Variants in CEP112 observed in about 807,000 individuals in gnomAD.
CEP112 encodes centrosomal protein 112.
Under a neutral mutation model 153.0 loss-of-function variants are expected in CEP112, and 127 were observed. The observed-to-expected ratio is 0.83, with a 90% CI of 0.72 to 0.96. The LOEUF (loss-of-function observed/expected upper bound fraction) is 0.96, where lower values mean the gene tolerates loss of function less well. CEP112 is among the 40% of genes least tolerant of loss of function. The pLI, the probability that CEP112 is intolerant of heterozygous loss-of-function variation, is 0.00. For missense variants in CEP112, 1,089 were observed against 1,101.2 expected, an observed-to-expected ratio of 0.99 and a Z score of 0.16; for synonymous variants, 358 against 374.4, an observed-to-expected ratio of 0.96 and a Z score of 0.51.
At chr17:65,856,140 A>G (rs1326395710) in intron 20 of CEP112, among the ~76,000 whole-genome samples, 1 of 152,218 alleles carries the variant, frequency 6.6e-6, no homozygotes, top group Non-Finnish European at 1.5e-5. Flanking sequence ...AGTTACAGAC[A>G]TGAAGCTGCA....
intron 21 of CEP112, among the ~76,000 whole-genome samples, chr17:65,789,871 G>C (rs1431647635): frequency 6.6e-6 from 1 of 152,176 alleles, no homozygotes; most frequent in Non-Finnish European, 1.5e-5. Flanking sequence ...CAAGCATCTA[G>C]CATATAATAG....
At chr17:65,978,719 A>C (rs1252369870) in intron 17 of CEP112, among the ~76,000 whole-genome samples, 1 of 152,232 alleles carries the variant, frequency 6.6e-6, no homozygotes, top group African/African-American at 2.4e-5. Context: ...TAAATATATA[A>C]ACTGCTAAAA....
intron 21 of CEP112, among the ~76,000 whole-genome samples, chr17:65,832,885 G>A (rs1405492453): frequency 6.6e-6 from 1 of 151,928 alleles, no homozygotes; most frequent in African/African-American, 2.4e-5. Context: ...CCAAAACCTG[G>A]AACAGACAAA....
rs145230737 is a variant in CEP112 at position 65,809,737 on chromosome 17, C to T, written c.2394+42067G>A. Among the ~76,000 whole-genome samples the T allele has an allele frequency of 3.1e-3, 467 of 152,126 alleles. 2 individuals are homozygous for T. The highest frequency in any genetic ancestry group is 5.6e-3 in the Non-Finnish European group (379 of 68,004). On this transcript the variant is annotated intron_variant, in intron 21 of 26. Coordinates refer to ENST00000535342, the MANE Select transcript of CEP112 (RefSeq NM_001199165.4). The stretch of plus-strand genomic sequence containing the variant: ...GTTTAGGAAAAGGTTGAATACCAGC[C>T]TGGAACTTCAGAAAGAGACTAGGAC...
At chr17:66,051,989 CT>C in intron 12 of CEP112, among the ~76,000 whole-genome samples, 1 of 152,308 alleles carries the variant, frequency 6.6e-6, no homozygotes, top group African/African-American at 2.4e-5. Context: ...AGAACATTTA[CT>C]TTAGCATACA....
intron 12 of CEP112, among the ~76,000 whole-genome samples, chr17:66,045,275 G>T (rs2145868341): frequency 6.6e-6 from 1 of 152,102 alleles, no homozygotes; most frequent in South Asian, 2.1e-4. Context: ...TTGCTGTGTT[G>T]CTCAGGCTGG....
At chr17:66,094,822 T>C (rs1300149546) in intron 8 of CEP112, among the ~76,000 whole-genome samples, 2 of 152,138 alleles carry the variant, frequency 1.3e-5, no homozygotes, top group African/African-American at 4.8e-5. Context: ...GATAACCTGA[T>C]TTTAAAATGG....
At chr17:66,154,691 T>C (rs923814410) in intron 4 of CEP112, among the ~76,000 whole-genome samples, 3 of 151,712 alleles carry the variant, frequency 2.0e-5, no homozygotes, top group African/African-American at 2.4e-5. Context: ...ATAACATAGA[T>C]GAGTACTCTC....
intron 12 of CEP112, among the ~76,000 whole-genome samples, chr17:66,032,889 C>T (rs2065552410): frequency 1.3e-5 from 2 of 152,108 alleles, no homozygotes; most frequent in Non-Finnish European, 2.9e-5. Flanking sequence ...GAAGAAGTCT[C>T]GTGGCTGGAA....
rs188894525 is a variant in CEP112, at chr17:65,808,609, T to C, written c.2394+43195A>G. On this transcript the variant is annotated intron_variant, in intron 21 of 26. Transcript: ENST00000535342. ...TTGCTGTTCTTGTGATAGTGAGTTCTCATGAGATCTAATGGTTTAAAAATG... is the reference window on the plus strand; with the variant it reads ...TTGCTGTTCTTGTGATAGTGAGTTCCCATGAGATCTAATGGTTTAAAAATG... 1.6e-3 allele frequency among the ~76,000 whole-genome samples: 241 copies of C among 152,228 alleles called. 1 individual carries two copies. Among genetic ancestry groups the C allele is most frequent in the African/African-American group, 5.6e-3 (231 of 41,530 alleles).
chr17:66,115,464 T>C (rs1488496334), intron 6 of CEP112, among the ~76,000 whole-genome samples: 1 of 152,206 alleles, frequency 6.6e-6, no homozygotes, highest in Non-Finnish European at 1.5e-5. Flanking sequence ...ATTCTTGAAA[T>C]CGACCCAAGA....
Position 66,176,960 on chromosome 17 carries a change from C to G in CEP112, c.167G>C (p.Gly56Ala), listed in dbSNP as rs200479917. ...GTTCCGATTCTTCCTCCCCATTATT[C>G]CTGCACCTGTTCCTGAAGGTTCGCA... ...KLCEPSGTGA[G>A]IMGRKNRNLY... The change falls in exon 3 of 27, where the codon GGA becomes GCA. Residue 56 changes from glycine (G) to alanine (A), a missense_variant. Physicochemically the swap from Gly to Ala is moderately conservative, Grantham distance 60 (BLOSUM62 0). Transcript: ENST00000535342. 2.7e-5 allele frequency: 43 copies of G among 1,613,754 alleles called. No individual in the cohort carries two copies. The highest frequency in any genetic ancestry group is 3.3e-5 in the Non-Finnish European group (39 of 1,179,866).
rs906258317 is a variant in CEP112 at position 65,937,051 on chromosome 17, C to T, written c.1873-9362G>A. Among the ~76,000 whole-genome samples the T allele has an allele frequency of 5.2e-3, 782 of 149,222 alleles. 3 individuals carry two copies. Among genetic ancestry groups the T allele is most frequent in the Admixed American group, 7.8e-3 (115 of 14,780 alleles). ...CGGGCTGGTCTCCAGCTCCTCACCG[C>T]GAGTGATCCGCCAGCCTCGGCCTCC... is the stretch of plus-strand genomic sequence containing the variant. On this transcript the variant is annotated intron_variant, in intron 18 of 26. Transcript: ENST00000535342.
rs1022302500 is a variant in CEP112 at position 65,970,468 on chromosome 17, G to A, written c.1737-8870C>T. On this transcript the variant is annotated intron_variant, in intron 17 of 26. Coordinates refer to ENST00000535342, the MANE Select transcript of CEP112 (RefSeq NM_001199165.4). ...ATGTATATTACATGCATGCACACAT[G>A]CATGTATATTACATGCATGCACACT... Among the ~76,000 whole-genome samples, 22 of 129,614 alleles carry A rather than the reference G, an allele frequency of 1.7e-4. 2 individuals are homozygous for A. The highest frequency in any genetic ancestry group is 3.2e-4 in the Non-Finnish European group (20 of 61,772). The allele number at this position is 129,614 out of a possible 152,430, so 85.0% of individuals were successfully genotyped here.
At chr17:65,982,101 T>C (rs1189406453) in intron 17 of CEP112, among the ~76,000 whole-genome samples, 1 of 152,128 alleles carries the variant, frequency 6.6e-6, no homozygotes, top group Non-Finnish European at 1.5e-5. Flanking sequence ...TAGGTATATA[T>C]ATTTATGGAG....
At chr17:65,766,412 G>T (rs2145450495) in intron 21 of CEP112, among the ~76,000 whole-genome samples, 1 of 149,364 alleles carries the variant, frequency 6.7e-6, no homozygotes, top group East Asian at 1.9e-4. Flanking sequence ...AAAGAAAAAA[G>T]AATAAACACC....
At chr17:66,033,284 A>AACAG (rs1353449583) in intron 12 of CEP112, among the ~76,000 whole-genome samples, 1 of 19,868 alleles carries the variant, frequency 5.0e-5, no homozygotes, top group Non-Finnish European at 1.8e-4. Context: ...ATAATATACA[A>AACAG]ATAGAGTATA....
At chr17:65,824,037 C>T (rs1444512860) in intron 21 of CEP112, among the ~76,000 whole-genome samples, 4 of 152,144 alleles carry the variant, frequency 2.6e-5, no homozygotes, top group African/African-American at 4.8e-5. Flanking sequence ...GACAGTTTGG[C>T]AGTTTCTAAT....
At chr17:65,651,428 G>T (rs933872751) in intron 24 of CEP112, among the ~76,000 whole-genome samples, 1 of 152,096 alleles carries the variant, frequency 6.6e-6, no homozygotes. Flanking sequence ...TTCATTTAAT[G>T]ACTTCTTTTC....
Sources: gnomAD v4.1 joint callset for allele counts (sites outside exome capture counted in the v4.1 genomes callset) on GRCh38, gnomAD v4.1.1 for gene constraint, MANE v1.5 for transcripts, NCBI Gene and HGNC (gene_info 2026-07-23, HGNC 2026-07-21) for gene names.